Variants in TNFRSF9 observed in about 807,000 individuals in gnomAD.
TNFRSF9 encodes TNF receptor superfamily member 9.
In TNFRSF9, 16 loss-of-function variants were observed where a neutral mutation model predicts 28.8. The observed-to-expected ratio is 0.55, with a 90% CI of 0.38 to 0.84. The LOEUF is 0.84. Among genes scored for constraint, TNFRSF9 ranks in the 40% least tolerant of loss-of-function variants. The pLI, the probability that TNFRSF9 is intolerant of heterozygous loss-of-function variation, is 0.00. For missense variants in TNFRSF9, 303 were observed against 315.0 expected (o/e 0.96, Z 0.29); for synonymous variants, 131 against 117.0 (o/e 1.12, Z -0.77).
chr1:7,921,809 TTTTC>T (rs1226681765), intron 7 of TNFRSF9: 1 of 152,218 alleles, frequency 6.6e-6, no homozygotes, highest in Non-Finnish European at 1.5e-5. Context: ...TTAAGAACTA[TTTTC>T]TTTATTTTCT....
chr1:7,933,093 T>C (rs1639758183), intron 7 of TNFRSF9, 69 bp downstream of exon 7: 6 of 1,520,022 alleles, frequency 3.9e-6, no homozygotes, highest in Non-Finnish European at 5.3e-6. Flanking sequence ...TTTTTTAAAA[T>C]CATATTTTCC....
intron 7 of TNFRSF9, among the ~76,000 whole-genome samples, chr1:7,925,079 C>T (rs933617710): frequency 2.6e-5 from 4 of 151,908 alleles, no homozygotes; most frequent in African/African-American, 4.8e-5. Context: ...TTTGGGAGGC[C>T]GAGGTGGGCA....
rs898780504 is a variant in TNFRSF9, at chr1:7,920,690, T to C, written c.*145A>G. ...TGGTGCATTTTTAAAGGCCAACTCA[T>C]TGGCATTTAGAAAAGAACGTGTGTT... On this transcript the variant is annotated 3_prime_UTR_variant, in exon 8 of 8. Coordinates refer to ENST00000377507, the MANE Select transcript of TNFRSF9 (RefSeq NM_001561.6). The C allele has an allele frequency of 6.0e-6, 4 of 671,820 alleles. No homozygotes were observed. In the South Asian group the frequency reaches 7.5e-5, roughly 13 times the overall value. 41.6% of individuals were successfully genotyped at this position (671,820 alleles called of 1,614,324 possible).
intron 7 of TNFRSF9, among the ~76,000 whole-genome samples, chr1:7,924,026 T>A (rs942154424): frequency 1.3e-5 from 2 of 152,114 alleles, no homozygotes; most frequent in African/African-American, 4.8e-5. Context: ...ACAGACTGCA[T>A]ATATGATCGT....
chr1:7,935,267 G>A (rs367661309), intron 5 of TNFRSF9, 124 bp from the exon 6 acceptor site: 16 of 1,063,108 alleles, frequency 1.5e-5, no homozygotes, highest in East Asian at 2.6e-5. Flanking sequence ...GTCTGGGTTC[G>A]AAAGCGATGC....
chr1:7,930,317 G>A (rs1180139582), intron 7 of TNFRSF9, among the ~76,000 whole-genome samples: 4 of 152,136 alleles, frequency 2.6e-5, no homozygotes, highest in African/African-American at 9.7e-5. Context: ...GTGATGGCGA[G>A]CGCGGAATCC....
At position 7,933,012 on chromosome 1, in the gene TNFRSF9, C is replaced by T. The variant is rs9657986; in HGVS notation, c.679+150G>A. ...ACACTGCAACTGTCTCCAGACACTG[C>T]AAATATTCCCAGGGACGAAATTGCC... On this transcript the variant is annotated intron_variant, in intron 7 of 7. Coordinates refer to ENST00000377507, the MANE Select transcript of TNFRSF9 (RefSeq NM_001561.6). 3,543 of 912,618 alleles carry T rather than the reference C, an allele frequency of 3.9e-3. 11 individuals are homozygous for T. The highest frequency in any genetic ancestry group is 5.2e-3 in the Non-Finnish European group (3,217 of 614,300). 56.5% of individuals were successfully genotyped at this position (912,618 alleles called of 1,614,324 possible).
intron 7 of TNFRSF9, among the ~76,000 whole-genome samples, chr1:7,922,372 G>A (rs2151411242): frequency 6.6e-6 from 1 of 152,268 alleles, no homozygotes; most frequent in Non-Finnish European, 1.5e-5. Context: ...TCTCAGAAAG[G>A]CAGAGAGAGG....
intron 7 of TNFRSF9, among the ~76,000 whole-genome samples, chr1:7,928,721 G>A (rs966028531): frequency 2.6e-5 from 4 of 151,602 alleles, no homozygotes; most frequent in Admixed American, 6.6e-5. Context: ...GCAAAACCCC[G>A]TCTCTACTAT....
At chr1:7,937,383 T>C (rs1044354136) in intron 5 of TNFRSF9, among the ~76,000 whole-genome samples, 24 of 152,074 alleles carry the variant, frequency 1.6e-4, no homozygotes, top group African/African-American at 5.8e-4. Flanking sequence ...GGTTTTGAAC[T>C]CCTGGGCTCA....
chr1:7,929,516 A>C (rs1639703740), intron 7 of TNFRSF9, among the ~76,000 whole-genome samples: 1 of 151,906 alleles, frequency 6.6e-6, no homozygotes, highest in African/African-American at 2.4e-5. Flanking sequence ...CCCTGAATAC[A>C]CCCACCGTAT....
At chr1:7,925,365 T>C (rs1466718132) in intron 7 of TNFRSF9, among the ~76,000 whole-genome samples, 1 of 152,116 alleles carries the variant, frequency 6.6e-6, no homozygotes, top group Non-Finnish European at 1.5e-5. Flanking sequence ...TAATTTATTA[T>C]TGAAGAAAGA....
Position 7,938,340 on chromosome 1 carries a change from C to T in TNFRSF9, c.209-10G>A, listed in dbSNP as rs748619368. Reference sequence around the variant, plus strand: ...CTGGTCCTGAAAACACCTACAAAGTCCCCCCAGCCCCCAACATTTTATTAC... The same window carrying T: ...CTGGTCCTGAAAACACCTACAAAGTTCCCCCAGCCCCCAACATTTTATTAC... On this transcript the variant is annotated splice_polypyrimidine_tract_variant and intron_variant, in intron 3 of 7. Transcript: ENST00000377507. 3 of 1,580,188 alleles carry T rather than the reference C, an allele frequency of 1.9e-6. No homozygotes were observed. The East Asian group carries it at 6.9e-5, about 36-fold the overall frequency.
chr1:7,928,197 G>A (rs191654050), intron 7 of TNFRSF9, among the ~76,000 whole-genome samples: 255 of 152,312 alleles, frequency 1.7e-3, no homozygotes, highest in Non-Finnish European at 1.4e-3. Flanking sequence ...CGATGAGAAT[G>A]TAAAATGATA....
At chr1:7,926,253 C>T (rs1639648935) in intron 7 of TNFRSF9, among the ~76,000 whole-genome samples, 1 of 152,172 alleles carries the variant, frequency 6.6e-6, no homozygotes, top group African/African-American at 2.4e-5. Flanking sequence ...TGTTTAGCTA[C>T]ACAAATACCA....
rs761700057 is a variant in TNFRSF9, at chr1:7,933,149, A to G, written c.679+13T>C. ...GCCTTGCCAGAGCTGTAATATGATT[A>G]TGTTAATCTTACGTTGTTTGAATAT... On this transcript the variant is annotated intron_variant, in intron 7 of 7. Transcript: ENST00000377507. 1.9e-5 allele frequency: 30 copies of G among 1,598,894 alleles called. No homozygotes were observed. The highest frequency in any genetic ancestry group is 2.6e-5 in the Non-Finnish European group (30 of 1,173,528).
chr1:7,920,912 G>A lies in TNFRSF9; in HGVS notation c.691C>T (p.Pro231Ser). Residue 231 changes from proline to serine, a missense_variant, in exon 8 of 8, where the codon CCA (proline) becomes TCA (serine). Coordinates refer to ENST00000377507, the MANE Select transcript of TNFRSF9 (RefSeq NM_001561.6). Reference sequence around the variant, plus strand: ...TCTTCCTCTTGAGTAGTTTGTACTGGTCTCATAAATGCTAAAAAAAAAATT... The same window carrying A: ...TCTTCCTCTTGAGTAGTTTGTACTGATCTCATAAATGCTAAAAAAAAAATT... ...LYIFKQPFMRPVQTTQEEDGC... is the reference protein window; with the variant it reads ...LYIFKQPFMRSVQTTQEEDGC... 6.2e-7 allele frequency: 1 copy of A among 1,612,266 alleles called. No individual in the cohort carries two copies. The highest frequency in any genetic ancestry group is 8.5e-7 in the Non-Finnish European group (1 of 1,179,132).
Position 7,933,290 on chromosome 1 carries a change from G to A in TNFRSF9, c.551C>T (p.Ser184Phe), listed in dbSNP as rs757348791. Residue 184 changes from serine (S) to phenylalanine (F), a missense_variant, in exon 7 of 8, where the codon TCT becomes TTT. Coordinates refer to ENST00000377507, the MANE Select transcript of TNFRSF9 (RefSeq NM_001561.6). ...PPAPAREPGH[S>F]PQIISFFLAL... Reference sequence around the variant, plus strand: ...AAGAAAGAAGGAGATGATCTGCGGAGAGTGTCCTGCAAAACACAGCAAAAG... The same window carrying A: ...AAGAAAGAAGGAGATGATCTGCGGAAAGTGTCCTGCAAAACACAGCAAAAG... 1.2e-6 allele frequency: 2 copies of A among 1,612,970 alleles called. No individual in the cohort carries two copies. The highest frequency in any genetic ancestry group is 2.7e-5 in the African/African-American group (2 of 74,896).
At chr1:7,932,260 C>G (rs1303203603) in intron 7 of TNFRSF9, among the ~76,000 whole-genome samples, 1 of 152,112 alleles carries the variant, frequency 6.6e-6, no homozygotes, top group African/African-American at 2.4e-5. Context: ...CAAAAAGCTC[C>G]TTTTATTATA....
Sources: allele counts gnomAD v4.1 joint callset (sites outside exome capture counted in the v4.1 genomes callset), GRCh38; gene constraint gnomAD v4.1.1; transcripts MANE v1.5; gene names NCBI Gene and HGNC (gene_info 2026-07-23, HGNC 2026-07-21).